Variants in MAML3 observed in about 807,000 individuals in gnomAD.
MAML3 encodes mastermind-like protein 3.
In MAML3, 27 loss-of-function variants were observed where a neutral mutation model predicts 101.9. The ratio of observed to expected loss-of-function variants is 0.27; its 90% confidence interval spans 0.20 to 0.37. The LOEUF (loss-of-function observed/expected upper bound fraction) is 0.37, where lower values mean the gene tolerates loss of function less well. Among genes scored for constraint, MAML3 ranks in the 10% least tolerant of loss-of-function variants. MAML3 has a pLI of 1.00. For missense variants in MAML3, 1,316 were observed against 1,444.9 expected, an observed-to-expected ratio of 0.91 and a Z score of 1.45; for synonymous variants, 501 against 555.9, an observed-to-expected ratio of 0.90 and a Z score of 1.39.
intron 1 of MAML3, among the ~76,000 whole-genome samples, chr4:140,109,790 T>C (rs1037679235): frequency 2.6e-5 from 4 of 152,164 alleles, no homozygotes; most frequent in Admixed American, 2.0e-4. Flanking sequence ...CCGGCAGTTA[T>C]AGGCCACCTG....
intron 1 of MAML3, among the ~76,000 whole-genome samples, chr4:139,927,044 G>C (rs1446456041): frequency 6.6e-6 from 1 of 150,604 alleles, no homozygotes; most frequent in Non-Finnish European, 1.5e-5. Context: ...TTCAGTTTGT[G>C]TGTGTTTAAT....
chr4:139,896,298 C>T (rs1052530783), intron 1 of MAML3, among the ~76,000 whole-genome samples: 20 of 152,200 alleles, frequency 1.3e-4, no homozygotes, highest in Non-Finnish European at 1.2e-4. Context: ...CTTAGGAAGT[C>T]CCTGGCCCTT....
chr4:139,993,061 G>C (rs1230210806), intron 1 of MAML3, among the ~76,000 whole-genome samples: 2 of 152,060 alleles, frequency 1.3e-5, no homozygotes, highest in Admixed American at 1.3e-4. Context: ...TTAAAATATA[G>C]ACATACAGGG....
intron 1 of MAML3, among the ~76,000 whole-genome samples, chr4:139,942,070 G>A (rs1259988909): frequency 6.6e-6 from 1 of 152,084 alleles, no homozygotes; most frequent in Non-Finnish European, 1.5e-5. Context: ...GGAGGCGGAG[G>A]TTGCAGTGAG....
intron 1 of MAML3, among the ~76,000 whole-genome samples, chr4:139,945,090 T>C (rs930205042): frequency 6.6e-6 from 1 of 152,128 alleles, no homozygotes; most frequent in African/African-American, 2.4e-5. Flanking sequence ...AAAAGGAAAA[T>C]TCCACCCCCT....
intron 1 of MAML3, among the ~76,000 whole-genome samples, chr4:140,142,564 A>G (rs952223767): frequency 1.3e-5 from 2 of 152,220 alleles, no homozygotes; most frequent in African/African-American, 2.4e-5. Flanking sequence ...TTAAATTTTC[A>G]TAAGATTGGC....
In MAML3 at chr4:139,890,271, A is replaced by G. The variant is rs78942615; in HGVS notation, c.1165T>C (p.Ser389Pro). 1.2e-6 allele frequency: 2 copies of G among 1,613,902 alleles called. No individual in the cohort carries two copies. Among genetic ancestry groups the G allele is most frequent in the Non-Finnish European group, 1.7e-6 (2 of 1,179,882 alleles). ...SSSGPPFSTV[S>P]TATSLPSVAS... ...ACAGAAGGTAAACTAGTGGCCGTGG[A>G]GACAGTAGAAAAGGGAGGACCAGAA... Residue 389 changes from serine (S) to proline (P), a missense_variant, in exon 2 of 5, where the codon TCC (serine) becomes CCC (proline). By Grantham distance (74) the Ser-to-Pro change is moderately conservative (BLOSUM62 -1). Coordinates refer to ENST00000509479, the MANE Select transcript of MAML3 (RefSeq NM_018717.5). The surrounding 1 kb of genome is among the most constrained non-coding windows in gnomAD (Gnocchi z 4.1).
At position 139,720,292 on chromosome 4, in the gene MAML3, G is replaced by A. The variant is rs1199983077; in HGVS notation, c.2448C>T (p.Ser816=). 6.4e-7 allele frequency: 1 copy of A among 1,554,214 alleles called. No individual in the cohort carries two copies. Among genetic ancestry groups the A allele is most frequent in the Admixed American group, 1.9e-5 (1 of 53,920 alleles). Residue 816 remains serine (S), a synonymous_variant, in exon 5 of 5, where the codon AGC becomes AGT. Coordinates refer to ENST00000509479, the MANE Select transcript of MAML3 (RefSeq NM_018717.5). ...TTCGCATGCTCTGGAGGGCTGCTTG[G>A]CTTCTTACGGCTGCTATATCCTGGG... ...GSPQDIAAVR[S]QAALQSMRTS...
chr4:139,935,345 G>T (rs528344806), intron 1 of MAML3, among the ~76,000 whole-genome samples: 1 of 152,006 alleles, frequency 6.6e-6, no homozygotes, highest in South Asian at 2.1e-4. Context: ...CAGCAGAGAA[G>T]GTTTTATATA....
At chr4:139,865,046 T>C (rs1486389937) in intron 2 of MAML3, among the ~76,000 whole-genome samples, 1 of 148,490 alleles carries the variant, frequency 6.7e-6, no homozygotes, top group South Asian at 2.1e-4. Context: ...AGACAAATTA[T>C]AATGTTGAAA....
chr4:140,030,096 G>A (rs1726884408), intron 1 of MAML3, among the ~76,000 whole-genome samples: 1 of 152,118 alleles, frequency 6.6e-6, no homozygotes, highest in South Asian at 2.1e-4. Flanking sequence ...GCCCATCCTG[G>A]TTTCTCTGTG....
chr4:139,977,327 A>G (rs993296444), intron 1 of MAML3, among the ~76,000 whole-genome samples: 3 of 152,182 alleles, frequency 2.0e-5, no homozygotes, highest in African/African-American at 7.2e-5. Flanking sequence ...AGAAGAATCT[A>G]ATTTAAAATG....
chr4:140,042,227 C>T (rs368052359), intron 1 of MAML3, among the ~76,000 whole-genome samples: 2 of 152,330 alleles, frequency 1.3e-5, no homozygotes, highest in Non-Finnish European at 2.9e-5. Context: ...GCTATGCTCG[C>T]TGTTTGTAAC....
chr4:140,056,572 T>A (rs1258778264), intron 1 of MAML3, among the ~76,000 whole-genome samples: 1 of 151,976 alleles, frequency 6.6e-6, no homozygotes, highest in Non-Finnish European at 1.5e-5. Flanking sequence ...TTTGAGAGGC[T>A]GAGACGGGCG....
At chr4:139,922,291 A>G (rs1272145156) in intron 1 of MAML3, among the ~76,000 whole-genome samples, 1 of 151,902 alleles carries the variant, frequency 6.6e-6, no homozygotes, top group African/African-American at 2.4e-5. Flanking sequence ...CCACCTTCTC[A>G]CTCACCTTTA....
At chr4:139,832,249 C>G (rs1245667555) in intron 2 of MAML3, among the ~76,000 whole-genome samples, 1 of 151,296 alleles carries the variant, frequency 6.6e-6, no homozygotes, top group African/African-American at 2.4e-5. Context: ...AGATTACAGG[C>G]GTGTGCCACT....
At chr4:139,805,210 T>G (rs913533975) in intron 2 of MAML3, among the ~76,000 whole-genome samples, 14 of 152,100 alleles carry the variant, frequency 9.2e-5, no homozygotes, top group Non-Finnish European at 2.9e-5. Flanking sequence ...ACAAAAAGAA[T>G]TTATTATAAG....
At chr4:139,742,138 T>A (rs1484032845) in intron 2 of MAML3, among the ~76,000 whole-genome samples, 1 of 134,784 alleles carries the variant, frequency 7.4e-6, no homozygotes, top group Non-Finnish European at 1.6e-5. Context: ...CTTAAACTTT[T>A]CTTTTCTTTT....
chr4:139,821,579 A>C (rs983872575), intron 2 of MAML3, among the ~76,000 whole-genome samples: 7 of 152,192 alleles, frequency 4.6e-5, no homozygotes, highest in African/African-American at 1.7e-4. Flanking sequence ...AAGCTAACCT[A>C]AGTAAGCAAG....
Sources: allele counts gnomAD v4.1 joint callset (sites outside exome capture counted in the v4.1 genomes callset), GRCh38; gene constraint gnomAD v4.1.1; non-coding constraint Gnocchi (gnomAD v3.1); transcripts MANE v1.5; gene names NCBI Gene and HGNC (gene_info 2026-07-23, HGNC 2026-07-21).